Variants in PTOV1 observed in about 807,000 individuals in gnomAD.
PTOV1 encodes PTOV1 extended AT-hook containing adaptor protein.
PTOV1 carries 20 observed loss-of-function variants against 58.0 expected under a neutral mutation model. The ratio of observed to expected loss-of-function variants is 0.34; its 90% CI spans 0.24 to 0.50. The LOEUF is 0.50. Among genes scored for constraint, PTOV1 ranks in the 20% least tolerant of loss-of-function variants. The pLI, the probability that PTOV1 is intolerant of heterozygous loss-of-function variation, is 0.98. For missense variants in PTOV1, 593 were observed against 565.4 expected, an observed-to-expected ratio of 1.05 and a Z score of -0.50; for synonymous variants, 335 against 234.2, an observed-to-expected ratio of 1.43 and a Z score of -3.93.
upstream of PTOV1, chr19:49,851,135 G>A (rs2074224204): frequency 1.5e-6 from 2 of 1,324,674 alleles, no homozygotes; most frequent in Non-Finnish European, 9.6e-7. Flanking sequence ...CGCTTGGTAC[G>A]CGCCGGGCTC....
At chr19:49,851,136 C>A, upstream of PTOV1, 1 of 1,324,072 alleles carries the variant, frequency 7.6e-7, no homozygotes, top group Non-Finnish European at 9.6e-7. Context: ...GCTTGGTACG[C>A]GCCGGGCTCC....
upstream of PTOV1, chr19:49,850,957 T>C: frequency 6.5e-7 from 1 of 1,535,548 alleles, no homozygotes; most frequent in East Asian, 2.4e-5. Flanking sequence ...CCCCATTCGG[T>C]AGGGGCTCCC....
intron 5 of PTOV1, among the ~76,000 whole-genome samples, chr19:49,855,968 G>A (rs926087315): frequency 2.0e-5 from 3 of 152,034 alleles, no homozygotes; most frequent in African/African-American, 7.3e-5. Context: ...GGAGCGAGTT[G>A]TCTGCCCAGA....
At chr19:49,856,705 A>G (rs2074483197) in intron 5 of PTOV1, 2 of 429,434 alleles carry the variant, frequency 4.7e-6, no homozygotes, top group Non-Finnish European at 8.4e-6. Context: ...GCAGGGGGTG[A>G]TGTGGGTGGG....
At chr19:49,858,553 C>A in exon 10 of PTOV1, 2 of 1,598,316 alleles carry the variant, frequency 1.3e-6, no homozygotes, top group Non-Finnish European at 1.7e-6. Flanking sequence ...CCGCAGACCA[C>A]CCTAGTGCCG....
intron 10 of PTOV1, among the ~76,000 whole-genome samples, chr19:49,859,550 C>T (rs371675439): frequency 1.4e-4 from 21 of 150,542 alleles, no homozygotes; most frequent in Non-Finnish European, 2.8e-4. Flanking sequence ...CCAGCCTGGG[C>T]GACAAGAGCG....
chr19:49,853,550 G>A (rs2074340521), intron 1 of PTOV1, among the ~76,000 whole-genome samples: 1 of 151,568 alleles, frequency 6.6e-6, no homozygotes, highest in African/African-American at 2.4e-5. Context: ...TGCAGTGAGC[G>A]AGGTTGCAGT....
At chr19:49,859,812 T>C in intron 10 of PTOV1, 174 bp from the exon 11 acceptor site, 1 of 671,546 alleles carries the variant, frequency 1.5e-6, no homozygotes, top group South Asian at 1.8e-5. Context: ...CACCCATTGC[T>C]CTTGGCCACC....
chr19:49,858,445 G>A, intron 9 of PTOV1, 104 bp from the exon 10 acceptor site: 2 of 879,952 alleles, frequency 2.3e-6, no homozygotes, highest in Non-Finnish European at 1.8e-6. Flanking sequence ...AGGGAGGACA[G>A]GGGAGTCTCA....
chr19:49,851,372 G>C, exon 1 of PTOV1: 3 of 1,135,632 alleles, frequency 2.6e-6, no homozygotes, highest in Non-Finnish European at 3.2e-6. Flanking sequence ...GGCGCCGGGG[G>C]CCCCCTCGGG....
chr19:49,855,154 G>C (rs767968538), intron 5 of PTOV1, 77 bp downstream of exon 5: 1 of 1,413,868 alleles, frequency 7.1e-7, no homozygotes, highest in South Asian at 1.2e-5. Context: ...CACAGTCCAG[G>C]CGGGGGTCGG....
At chr19:49,855,299 G>C in intron 5 of PTOV1, 3 of 570,408 alleles carry the variant, frequency 5.3e-6, no homozygotes. Context: ...CTGCATCTGT[G>C]CCCAGCTTCG....
At chr19:49,851,264 C>T (rs2074232001) in exon 1 of PTOV1, 2 of 1,098,798 alleles carry the variant, frequency 1.8e-6, no homozygotes, top group Non-Finnish European at 2.2e-6. Flanking sequence ...GCCCCTCAGT[C>T]GGTGGAGCCC....
At chr19:49,851,981 C>T in intron 1 of PTOV1, 1 of 985,482 alleles carries the variant, frequency 1.0e-6, no homozygotes, top group South Asian at 4.7e-5. Flanking sequence ...GAGTGCGCAC[C>T]TAGAATACGC....
chr19:49,852,019 A>C (rs2074273301), intron 1 of PTOV1: 10 of 985,464 alleles, frequency 1.0e-5, no homozygotes, highest in Non-Finnish European at 1.2e-5. Flanking sequence ...GGATGCTTTG[A>C]TGGACTGCCG....
At chr19:49,851,645 C>T (rs1600351671) in intron 1 of PTOV1, 146 bp downstream of exon 1, 1 of 1,108,522 alleles carries the variant, frequency 9.0e-7, no homozygotes, top group South Asian at 4.6e-5. Context: ...CCGGGTTCCC[C>T]CGTGGAGCAC....
At chr19:49,858,687 G>T (rs746791482) in intron 10 of PTOV1, 34 bp downstream of exon 10, 1 of 1,540,942 alleles carries the variant, frequency 6.5e-7, no homozygotes, top group African/African-American at 1.4e-5. Context: ...GGGAGGGGCC[G>T]GCCAGGGCAG....
intron 10 of PTOV1, 54 bp from the exon 11 acceptor site, chr19:49,859,932 G>A (rs1449684151): frequency 6.3e-7 from 1 of 1,587,042 alleles, no homozygotes; most frequent in Admixed American, 1.7e-5. Flanking sequence ...CGTGGTTGGA[G>A]GGATGCTGGT....
At chr19:49,851,147 C>T (rs1298227465), upstream of PTOV1, 35 of 1,305,476 alleles carry the variant, frequency 2.7e-5, no homozygotes, top group Non-Finnish European at 3.3e-5. Flanking sequence ...GCCGGGCTCC[C>T]CCGCTCGCCT....
Sources: gnomAD v4.1 joint callset for allele counts (sites outside exome capture counted in the v4.1 genomes callset) on GRCh38, gnomAD v4.1.1 for gene constraint, MANE v1.5 for transcripts, NCBI Gene and HGNC (gene_info 2026-07-23, HGNC 2026-07-21) for gene names.